DECR1: variants seen among roughly 807,000 people sequenced by gnomAD.
DECR1 encodes the protein 2,4-dienoyl-CoA reductase [(3E)-enoyl-CoA-producing], mitochondrial.
Under a neutral mutation model 38.8 loss-of-function variants are expected in DECR1, and 44 were observed. The observed-to-expected ratio is 1.13, with a 90% CI of 0.89 to 1.46. The LOEUF (loss-of-function observed/expected upper bound fraction) is 1.46, where lower values mean the gene tolerates loss of function less well. DECR1 is among the 40% of genes most tolerant of loss of function. DECR1 has a pLI of 0.00. For missense variants in DECR1, 428 were observed against 405.5 expected (o/e 1.06, Z -0.48); for synonymous variants, 148 against 135.2 (o/e 1.09, Z -0.66).
chr8:90,037,978 G>C (rs1343483842), intron 6 of DECR1, among the ~76,000 whole-genome samples: 1 of 152,074 alleles, frequency 6.6e-6, no homozygotes, highest in Non-Finnish European at 1.5e-5. Flanking sequence ...ATCATTTCCT[G>C]TCACTCTTTG....
chr8:90,051,193 G>T (rs540650731), intron 8 of DECR1, among the ~76,000 whole-genome samples: 53 of 150,730 alleles, frequency 3.5e-4, no homozygotes, highest in Non-Finnish European at 6.9e-4. Flanking sequence ...AAAAAGAAAA[G>T]AGGTTTAATT....
At chr8:90,010,806 G>C (rs892540850) in intron 1 of DECR1, among the ~76,000 whole-genome samples, 4 of 152,148 alleles carry the variant, frequency 2.6e-5, no homozygotes, top group Admixed American at 2.6e-4. Context: ...TTAATATAGA[G>C]TAGTTATGCT....
intron 8 of DECR1, among the ~76,000 whole-genome samples, chr8:90,050,704 G>A (rs1814056181): frequency 6.6e-6 from 1 of 152,126 alleles, no homozygotes; most frequent in African/African-American, 2.4e-5. Context: ...AAATCATGGT[G>A]CTATAAAGAC....
At chr8:90,035,832 G>A (rs1004782350) in intron 5 of DECR1, among the ~76,000 whole-genome samples, 1 of 151,764 alleles carries the variant, frequency 6.6e-6, no homozygotes, top group African/African-American at 2.4e-5. Context: ...AATTACTTAT[G>A]CATCAGCCTA....
intron 5 of DECR1, among the ~76,000 whole-genome samples, chr8:90,035,494 T>G (rs1390238794): frequency 6.6e-6 from 1 of 152,078 alleles, no homozygotes; most frequent in Non-Finnish European, 1.5e-5. Flanking sequence ...TCCTTTCAGA[T>G]GCTGTATTTT....
At chr8:90,046,855 T>G (rs2189618) in intron 8 of DECR1, among the ~76,000 whole-genome samples, 1 of 152,020 alleles carries the variant, frequency 6.6e-6, no homozygotes, top group Non-Finnish European at 1.5e-5. Flanking sequence ...AAACTACAAG[T>G]CAGAAGAAAG....
At chr8:90,037,904 A>G (rs1000075698) in intron 6 of DECR1, among the ~76,000 whole-genome samples, 1 of 152,020 alleles carries the variant, frequency 6.6e-6, no homozygotes, top group Admixed American at 6.6e-5. Context: ...TCACATTTTC[A>G]CCAGAATTAT....
chr8:90,028,942 G>C (rs1305699354), intron 5 of DECR1, among the ~76,000 whole-genome samples: 1 of 151,956 alleles, frequency 6.6e-6, no homozygotes, highest in African/African-American at 2.4e-5. Context: ...TTTAATGTAG[G>C]AAGTGAATTT....
chr8:90,026,343 T>A (rs1813336647), intron 5 of DECR1, among the ~76,000 whole-genome samples: 1 of 152,140 alleles, frequency 6.6e-6, no homozygotes, highest in African/African-American at 2.4e-5. Flanking sequence ...GCTGTGAATC[T>A]GTCTGTTCCT....
Position 90,001,647 on chromosome 8 carries a change from G to C in DECR1, c.69+86G>C. 3.1e-6 allele frequency: 4 copies of C among 1,309,910 alleles called. No individual in the cohort carries two copies. The Admixed American group carries it at 8.6e-5, about 28-fold the overall frequency. 81.1% of individuals were successfully genotyped at this position (1,309,910 alleles called of 1,614,324 possible). On this transcript the variant is annotated intron_variant, in intron 1 of 9. Transcript: ENST00000220764. ...ACAGGGCGTCACGGGGGCTCGGGGA[G>C]CGAGGACAAGGCATCCTGGGGCGCA... is the stretch of plus-strand genomic sequence containing the variant.
chr8:90,021,013 C>T lies in DECR1; in HGVS notation c.522C>T (p.Phe174=), dbSNP rs143170054. The part of the protein sequence containing the change: ...ITDIVLNGTA[F]VTLEIGKQLI... ...ACATAGTTCTAAATGGCACAGCCTT[C>T]GTGACACTAGAAATTGGAAAACAAC... Residue 174 remains phenylalanine, a synonymous_variant, in exon 5 of 10, where the codon TTC becomes TTT. Transcript: ENST00000220764. The T allele has an allele frequency of 4.5e-5, 72 of 1,594,788 alleles. No homozygotes were observed. In the African/African-American group the frequency reaches 8.0e-4, roughly 18 times the overall value.
chr8:90,036,029 A>G (rs1323683035), intron 5 of DECR1, among the ~76,000 whole-genome samples: 2 of 152,118 alleles, frequency 1.3e-5, no homozygotes, highest in African/African-American at 4.8e-5. Context: ...TGGGAATTGC[A>G]TCACTTACAG....
chr8:90,051,325 A>T (rs541468317), intron 8 of DECR1, among the ~76,000 whole-genome samples: 46 of 152,046 alleles, frequency 3.0e-4, no homozygotes, highest in Non-Finnish European at 4.9e-4. Context: ...GAGAGAAAAA[A>T]GGGAGACGAG....
chr8:90,029,784 G>T (rs935377199), intron 5 of DECR1, among the ~76,000 whole-genome samples: 9 of 151,922 alleles, frequency 5.9e-5, no homozygotes, highest in African/African-American at 1.7e-4. Context: ...ACTCTTCCTT[G>T]TCCTCCATAA....
chr8:90,005,548 T>TA (rs1812717776), intron 1 of DECR1: 1 of 420,518 alleles, frequency 2.4e-6, no homozygotes, highest in East Asian at 7.0e-5. Context: ...TAGGCGGACT[T>TA]ACATAACTCT....
intron 8 of DECR1, among the ~76,000 whole-genome samples, chr8:90,049,283 C>A (rs1308724115): frequency 2.6e-5 from 4 of 152,164 alleles, no homozygotes; most frequent in Non-Finnish European, 4.4e-5. Context: ...AAAACCCCAT[C>A]ATCTCAGCCC....
At position 90,021,058 on chromosome 8, in the gene DECR1, T is replaced by C. The variant is rs763457044; in HGVS notation, c.565+2T>C. 3 of 1,569,540 alleles carry C rather than the reference T, an allele frequency of 1.9e-6. No individual in the cohort carries two copies. In the African/African-American group the frequency reaches 4.2e-5, roughly 22 times the overall value. ...AACAACTAATTAAAGCACAGAAAGG[T>C]ATGTTTATTTGCTTTTCTCATATTT... is the stretch of plus-strand genomic sequence containing the variant. On this transcript the variant is annotated splice_donor_variant, in intron 5 of 9. Transcript: ENST00000220764. LOFTEE classifies it high-confidence loss of function.
Position 90,051,973 on chromosome 8 carries a change from T to TTCAAG in DECR1, c.*79_*83dup. On this transcript the variant is annotated 3_prime_UTR_variant, in exon 10 of 10. Transcript: ENST00000220764. ...AAATTATCTCTCATCTTTTGACTATTTCAAGTCTAATAAATTCTTAATTAA... is the reference window on the plus strand; with the variant it reads ...AAATTATCTCTCATCTTTTGACTATTTCAAGTCAAGTCTAATAAATTCTTAATTAA... 1 of 1,298,036 alleles carries TTCAAG rather than the reference T, an allele frequency of 7.7e-7. No individual in the cohort carries two copies. The highest frequency in any genetic ancestry group is 1.2e-5 in the South Asian group (1 of 80,482). The allele number at this position is 1,298,036 out of a possible 1,614,324, so 80.4% of individuals were successfully genotyped here. A position where few individuals can be genotyped will look rare whatever the true frequency, so the allele number is the denominator to read the frequency against.
intron 5 of DECR1, among the ~76,000 whole-genome samples, chr8:90,035,600 G>A (rs1484896777): frequency 1.3e-5 from 2 of 151,830 alleles, no homozygotes; most frequent in African/African-American, 2.4e-5. Flanking sequence ...ATTTGTAATA[G>A]CATTTAAAAG....
Sources: allele counts gnomAD v4.1 joint callset (sites outside exome capture counted in the v4.1 genomes callset), GRCh38; gene constraint gnomAD v4.1.1; transcripts MANE v1.5; gene names NCBI Gene and HGNC (gene_info 2026-07-23, HGNC 2026-07-21).